The following BNC2 variants were observed in gnomAD, a reference collection of about 807,000 sequenced individuals.
BNC2 encodes basonuclin zinc finger protein 2, also known as zinc finger protein basonuclin-2.
BNC2 carries 20 observed loss-of-function variants against 76.3 expected under a neutral mutation model. The ratio of observed to expected loss-of-function variants is 0.26; its 90% CI spans 0.18 to 0.38. BNC2 has a LOEUF of 0.38. Among genes scored for constraint, BNC2 ranks in the 10% least tolerant of loss-of-function variants. The pLI, the probability that BNC2 is intolerant of heterozygous loss-of-function variation, is 1.00. For missense variants in BNC2, 1,382 were observed against 1,399.8 expected (o/e 0.99, Z 0.20); for synonymous variants, 582 against 514.8 (o/e 1.13, Z -1.77).
At chr9:16,747,458 A>C (rs1825043493) in intron 1 of BNC2, among the ~76,000 whole-genome samples, 1 of 152,240 alleles carries the variant, frequency 6.6e-6, no homozygotes, top group Non-Finnish European at 1.5e-5. Flanking sequence ...GTTGTGTGCC[A>C]GGTACTATGC....
intron 3 of BNC2, among the ~76,000 whole-genome samples, chr9:16,583,796 T>A (rs1364936360): frequency 6.6e-6 from 1 of 152,086 alleles, no homozygotes; most frequent in Non-Finnish European, 1.5e-5. Context: ...ACAGAAAAAA[T>A]CATTTATGTG....
At chr9:16,787,058 A>G (rs1789226651) in intron 1 of BNC2, among the ~76,000 whole-genome samples, 1 of 152,244 alleles carries the variant, frequency 6.6e-6, no homozygotes, top group Admixed American at 6.5e-5. Context: ...GCCAATTAGT[A>G]CATTCCCAGG....
At chr9:16,586,433 A>ACGTGC (rs1266280067) in intron 3 of BNC2, among the ~76,000 whole-genome samples, 1 of 152,066 alleles carries the variant, frequency 6.6e-6, no homozygotes. Context: ...TCTGCCCCAC[A>ACGTGC]CGTGCCTGAA....
intron 6 of BNC2, chr9:16,435,013 T>C (rs527922374): frequency 3.6e-5 from 17 of 471,448 alleles, no homozygotes; most frequent in South Asian, 2.5e-4. Context: ...ATGTAAGGAA[T>C]GATAACATTA....
Position 16,526,337 on chromosome 9 carries a change from G to A in BNC2, c.669+26193C>T, listed in dbSNP as rs995593242. ...TAAGGATAACAAAGATCGTTTACGA[G>A]GTAAATTCCTTTCCAAATGAAAACC... On this transcript the variant is annotated intron_variant, in intron 5 of 6. Transcript: ENST00000380672. 4.6e-5 allele frequency among the ~76,000 whole-genome samples: 7 copies of A among 152,110 alleles called. No individual in the cohort carries two copies. In the East Asian group the frequency reaches 7.7e-4, roughly 17 times the overall value.
chr9:16,515,200 C>G (rs897800287), intron 5 of BNC2, among the ~76,000 whole-genome samples: 4 of 152,188 alleles, frequency 2.6e-5, no homozygotes, highest in African/African-American at 9.6e-5. Flanking sequence ...GAGAGGGAAT[C>G]ATGTCAGCTC....
chr9:16,855,741 G>T (rs1252457310), intron 1 of BNC2, among the ~76,000 whole-genome samples: 1 of 151,624 alleles, frequency 6.6e-6, no homozygotes, highest in Non-Finnish European at 1.5e-5. Flanking sequence ...GTAGAGACGG[G>T]GTTTCACCAT....
At chr9:16,473,218 T>C (rs1458806084) in intron 5 of BNC2, 1 of 152,226 alleles carries the variant, frequency 6.6e-6, no homozygotes, top group Non-Finnish European at 1.5e-5. Context: ...TACAGTGGAA[T>C]GCCATGGACG....
intron 3 of BNC2, among the ~76,000 whole-genome samples, chr9:16,620,860 C>G (rs1479373334): frequency 6.6e-6 from 1 of 152,156 alleles, no homozygotes; most frequent in Admixed American, 6.6e-5. Context: ...CTTTATGCAT[C>G]TGGTGATATG....
chr9:16,714,924 C>A (rs1282333686), intron 3 of BNC2, among the ~76,000 whole-genome samples: 1 of 152,120 alleles, frequency 6.6e-6, no homozygotes, highest in Middle Eastern at 3.2e-3. Flanking sequence ...GCATTTTAAA[C>A]CTCATCTTAT....
intron 1 of BNC2, among the ~76,000 whole-genome samples, chr9:16,807,073 T>C (rs538945886): frequency 6.6e-6 from 1 of 152,334 alleles, no homozygotes; most frequent in African/African-American, 2.4e-5. Flanking sequence ...AATATCATGA[T>C]TATTATCTAT....
At chr9:16,778,185 T>TA (rs139506724) in intron 1 of BNC2, among the ~76,000 whole-genome samples, 3,257 of 152,320 alleles carry the variant, frequency 0.021, 58 homozygotes, top group Middle Eastern at 0.048. Flanking sequence ...TAAAGATACA[T>TA]ACACACAAAT....
chr9:16,420,439 A>G (rs982570831), intron 6 of BNC2, among the ~76,000 whole-genome samples: 1 of 151,238 alleles, frequency 6.6e-6, no homozygotes, highest in African/African-American at 2.5e-5. Context: ...CTTTAAGACA[A>G]AAACGGAAAA....
At chr9:16,735,559 T>C (rs1824642316) in intron 2 of BNC2, among the ~76,000 whole-genome samples, 2 of 152,126 alleles carry the variant, frequency 1.3e-5, no homozygotes, top group African/African-American at 2.4e-5. Flanking sequence ...TGCAGTGCCG[T>C]GATCTCGGGT....
At chr9:16,613,139 G>C (rs1307419206) in intron 3 of BNC2, among the ~76,000 whole-genome samples, 1 of 152,158 alleles carries the variant, frequency 6.6e-6, no homozygotes, top group African/African-American at 2.4e-5. Context: ...AAAGATAGCA[G>C]TGAGTTTTAT....
intron 3 of BNC2, among the ~76,000 whole-genome samples, chr9:16,585,930 AG>A (rs1421838789): frequency 2.0e-5 from 3 of 152,236 alleles, no homozygotes; most frequent in South Asian, 2.1e-4. Context: ...TTGAAAATGC[AG>A]GTATGCAGAA....
intron 1 of BNC2, among the ~76,000 whole-genome samples, chr9:16,779,345 G>C (rs140437536): frequency 2.0e-5 from 3 of 151,060 alleles, no homozygotes; most frequent in African/African-American, 7.3e-5. Context: ...GTTACCAGAG[G>C]TAAGTAGAAG....
chr9:16,437,590 C>T, intron 5 of BNC2, 66 bp from the exon 6 acceptor site: 2 of 1,555,108 alleles, frequency 1.3e-6, no homozygotes, highest in East Asian at 2.3e-5. Flanking sequence ...CATAATTATT[C>T]AATGCAACTG....
At chr9:16,725,217 T>TCACACACACACACACACACACA (rs4007689) in intron 3 of BNC2, among the ~76,000 whole-genome samples, 1 of 148,162 alleles carries the variant, frequency 6.7e-6, no homozygotes, top group Non-Finnish European at 1.5e-5. Flanking sequence ...TCTCTCTCTC[T>TCACACACACACACACACACACA]CACACACACA....
Sources: allele counts gnomAD v4.1 joint callset (sites outside exome capture counted in the v4.1 genomes callset), GRCh38; gene constraint gnomAD v4.1.1; transcripts MANE v1.5; gene names NCBI Gene and HGNC (gene_info 2026-07-23, HGNC 2026-07-21).